Variants in TCAIM observed in about 807,000 individuals in gnomAD.
TCAIM encodes T cell activation inhibitor, mitochondrial.
A neutral mutation model predicts 58.6 loss-of-function variants in TCAIM; 36 were observed. That is an observed-to-expected ratio of 0.61 (90% CI 0.47 to 0.81). The LOEUF is 0.81. TCAIM is among the 30% of genes least tolerant of loss of function. The probability of loss-of-function intolerance (pLI) is 0.00; values close to 1 mark genes in which losing one functional copy is unlikely to be tolerated. For synonymous variants in TCAIM, 172 were observed against 193.6 expected (o/e 0.89, Z 0.93); for missense variants, 466 against 579.6 (o/e 0.80, Z 2.01).
intron 3 of TCAIM, among the ~76,000 whole-genome samples, chr3:44,360,394 C>A (rs1472073501): frequency 1.3e-5 from 2 of 152,146 alleles, no homozygotes; most frequent in Non-Finnish European, 2.9e-5. Flanking sequence ...CTATTCATAG[C>A]ATCGAACTCA....
chr3:44,366,218 A>AT (rs11324892), intron 4 of TCAIM, among the ~76,000 whole-genome samples: 8 of 151,848 alleles, frequency 5.3e-5, no homozygotes, highest in African/African-American at 1.7e-4. Context: ...AAACCAGTGG[A>AT]TTTTTTATTG....
In TCAIM at chr3:44,406,264, A is replaced by G. The variant is rs578193873; in HGVS notation, c.1251-1178A>G. ...GAGAACTATGCAGCAACATGGTCAC[A>G]CTACAAGGCTTTTCACTTCCAAGCA... On this transcript the variant is annotated intron_variant, in intron 10 of 10. Transcript: ENST00000342649. Among the ~76,000 whole-genome samples the G allele has an allele frequency of 5.5e-4, 84 of 152,356 alleles. 1 individual carries two copies. Among genetic ancestry groups the G allele is most frequent in the African/African-American group, 1.8e-3 (76 of 41,582 alleles).
intron 5 of TCAIM, among the ~76,000 whole-genome samples, chr3:44,370,667 TG>T (rs886283056): frequency 2.0e-5 from 3 of 151,488 alleles, no homozygotes; most frequent in Admixed American, 6.6e-5. Context: ...ATAGGTTTTT[TG>T]TTTTTTTTTT....
chr3:44,371,983 A>G (rs1701477414), intron 5 of TCAIM, among the ~76,000 whole-genome samples: 1 of 150,098 alleles, frequency 6.7e-6, no homozygotes, highest in Non-Finnish European at 1.5e-5. Context: ...TGAAATAGTA[A>G]TAGAGAGAGA....
chr3:44,356,102 A>G lies in TCAIM; in HGVS notation c.29+1291A>G, dbSNP rs1701184710. On this transcript the variant is annotated intron_variant, in intron 2 of 10. Coordinates refer to ENST00000342649, the MANE Select transcript of TCAIM (RefSeq NM_173826.4). The stretch of plus-strand genomic sequence containing the variant: ...CTGCAAATAGGTTGGTGGTCTCCAG[A>G]TTGTTTAAAAATCACCAGAAATGAT... Among the ~76,000 whole-genome samples, 3 of 152,266 alleles carry G rather than the reference A, an allele frequency of 2.0e-5. No individual in the cohort carries two copies. The South Asian group carries it at 6.2e-4, about 31-fold the overall frequency.
intron 5 of TCAIM, among the ~76,000 whole-genome samples, chr3:44,375,972 T>A (rs1420409551): frequency 6.6e-6 from 1 of 152,222 alleles, no homozygotes; most frequent in Non-Finnish European, 1.5e-5. Flanking sequence ...CATATCCATA[T>A]AATGGAATAT....
chr3:44,394,924 ATATATATATATATATAT>A (rs1701908447), intron 6 of TCAIM, among the ~76,000 whole-genome samples: 1 of 20,690 alleles, frequency 4.8e-5, no homozygotes, highest in African/African-American at 2.0e-4. Flanking sequence ...AAAAAAAAAT[ATATATATATATATATAT>A]ATATATATAT....
chr3:44,407,637 C>T lies in TCAIM; in HGVS notation c.1446C>T (p.Asp482=), dbSNP rs546813155. 6.2e-7 allele frequency: 1 copy of T among 1,610,530 alleles called. No homozygotes were observed. The highest frequency in any genetic ancestry group is 8.5e-7 in the Non-Finnish European group (1 of 1,179,036). Residue 482 remains aspartate, a synonymous_variant, in exon 11 of 11, where the codon GAC becomes GAT. Transcript: ENST00000342649. ...TTTACTCTGTTATGCAAGATGGAGACCTTTGTATTCCTTGGAATTGGAAGA... is the reference window on the plus strand; with the variant it reads ...TTTACTCTGTTATGCAAGATGGAGATCTTTGTATTCCTTGGAATTGGAAGA... The part of the protein sequence containing the change: ...SHFYSVMQDG[D]LCIPWNWKNG...
At chr3:44,395,302 T>C (rs1423894913) in intron 6 of TCAIM, among the ~76,000 whole-genome samples, 6 of 152,144 alleles carry the variant, frequency 3.9e-5, no homozygotes, top group Non-Finnish European at 8.8e-5. Flanking sequence ...TTATCAGAAA[T>C]GACATTCATC....
intron 3 of TCAIM, chr3:44,358,126 G>T: frequency 4.8e-6 from 7 of 1,468,632 alleles, no homozygotes; most frequent in Non-Finnish European, 6.3e-6. Flanking sequence ...CATGTTTTTG[G>T]TACCAATTTT....
chr3:44,400,651 G>A, intron 9 of TCAIM, 64 bp downstream of exon 9: 2 of 1,353,338 alleles, frequency 1.5e-6, no homozygotes, highest in Non-Finnish European at 2.1e-6. Context: ...GTGTGTAAAT[G>A]CATTAAATTG....
intron 10 of TCAIM, among the ~76,000 whole-genome samples, chr3:44,406,846 T>C (rs1038831054): frequency 6.6e-6 from 1 of 152,102 alleles, no homozygotes; most frequent in Admixed American, 6.6e-5. Context: ...TGGGAGAAAG[T>C]ATTTGAGACA....
intron 10 of TCAIM, among the ~76,000 whole-genome samples, chr3:44,406,781 G>A (rs1702108177): frequency 6.6e-6 from 1 of 152,192 alleles, no homozygotes; most frequent in African/African-American, 2.4e-5. Context: ...TGGTCTAGAT[G>A]TAGCACATTG....
At chr3:44,356,989 A>G (rs1483004003) in intron 2 of TCAIM, among the ~76,000 whole-genome samples, 1 of 152,026 alleles carries the variant, frequency 6.6e-6, no homozygotes, top group Non-Finnish European at 1.5e-5. Context: ...TCAAAAAAAA[A>G]GAATGAGAAT....
At chr3:44,372,636 C>T (rs576656096) in intron 5 of TCAIM, among the ~76,000 whole-genome samples, 77 of 151,698 alleles carry the variant, frequency 5.1e-4, no homozygotes, top group African/African-American at 1.8e-3. Flanking sequence ...CTCAGTCGCC[C>T]AGGCTGGAGT....
intron 3 of TCAIM, chr3:44,358,131 A>G (rs140296873): frequency 6.7e-7 from 1 of 1,482,912 alleles, no homozygotes; most frequent in Non-Finnish European, 8.9e-7. Flanking sequence ...TTTTGGTACC[A>G]ATTTTTGAAG....
chr3:44,353,068 G>A (rs905253451), intron 1 of TCAIM, among the ~76,000 whole-genome samples: 2 of 151,378 alleles, frequency 1.3e-5, no homozygotes, highest in Non-Finnish European at 2.9e-5. Context: ...GATTACAGGC[G>A]CCCACCACAC....
chr3:44,368,557 G>A (rs981464463), intron 5 of TCAIM, among the ~76,000 whole-genome samples: 1 of 152,234 alleles, frequency 6.6e-6, no homozygotes, highest in South Asian at 2.1e-4. Flanking sequence ...GTGTATGTAT[G>A]TACCTACGTG....
At chr3:44,357,689 TTG>T in intron 2 of TCAIM, 50 bp from the exon 3 acceptor site, 19 of 1,593,338 alleles carry the variant, frequency 1.2e-5, no homozygotes, top group Middle Eastern at 1.7e-4. Flanking sequence ...CATTGAGGAT[TTG>T]TGTGTGTGTG....
Sources: allele counts gnomAD v4.1 joint callset (sites outside exome capture counted in the v4.1 genomes callset), GRCh38; gene constraint gnomAD v4.1.1; transcripts MANE v1.5; gene names NCBI Gene and HGNC (gene_info 2026-07-23, HGNC 2026-07-21).